DLG4: variants seen among roughly 807,000 people sequenced by gnomAD.
DLG4 encodes the protein disks large homolog 4.
Under a neutral mutation model 93.8 loss-of-function variants are expected in DLG4, and 7 were observed. The observed-to-expected ratio is 0.07, with a 90% CI of 0.04 to 0.14. The LOEUF (loss-of-function observed/expected upper bound fraction) is 0.14, where lower values mean the gene tolerates loss of function less well. Among genes scored for constraint, DLG4 ranks in the 10% least tolerant of loss-of-function variants. The pLI, the probability that DLG4 is intolerant of heterozygous loss-of-function variation, is 1.00. For missense variants in DLG4, 545 were observed against 992.9 expected, an observed-to-expected ratio of 0.55 and a Z score of 6.06; for synonymous variants, 341 against 387.6, an observed-to-expected ratio of 0.88 and a Z score of 1.41.
At chr17:7,219,618 T>C, upstream of DLG4, 2 of 1,208,566 alleles carry the variant, frequency 1.7e-6, no homozygotes, top group Non-Finnish European at 1.0e-6. Flanking sequence ...TACTTTTCCC[T>C]TCTAACCCCA....
chr17:7,209,914 T>C (rs2070641989), intron 1 of DLG4, among the ~76,000 whole-genome samples: 1 of 152,024 alleles, frequency 6.6e-6, no homozygotes, highest in African/African-American at 2.4e-5. Context: ...TGGTGGCACA[T>C]GGCTGTAATC....
chr17:7,213,660 T>C, intron 1 of DLG4: 2 of 433,624 alleles, frequency 4.6e-6, no homozygotes. Flanking sequence ...CAACTTAACC[T>C]GAAAGCCTCT....
chr17:7,194,108 A>G lies in DLG4; in HGVS notation c.1479-108T>C, dbSNP rs1356505579. 1 of 1,442,688 alleles carries G rather than the reference A, an allele frequency of 6.9e-7. No homozygotes were observed. The highest frequency in any genetic ancestry group is 9.4e-7 in the Non-Finnish European group (1 of 1,060,072). The allele number at this position is 1,442,688 out of a possible 1,614,324, so 89.4% of individuals were successfully genotyped here. On this transcript the variant is annotated intron_variant, in intron 12 of 19. Coordinates refer to ENST00000399506, the MANE Select transcript of DLG4 (RefSeq NM_001321075.3). This position sits in a 1 kb window ranked among gnomAD's most constrained non-coding sequence, Gnocchi z 4.4. ...TTCTCCATACTCTGGGCCAGCTGAC[A>G]CCCCTTCTCCTGCAGCCCTGGACAC...
intron 8 of DLG4, among the ~76,000 whole-genome samples, chr17:7,197,959 C>T (rs550944849): frequency 6.6e-6 from 1 of 152,264 alleles, no homozygotes; most frequent in African/African-American, 2.4e-5. Flanking sequence ...GGTAGCGCTA[C>T]GTTCTTCCTA....
At chr17:7,206,280 T>A in intron 2 of DLG4, among the ~76,000 whole-genome samples, 1 of 151,570 alleles carries the variant, frequency 6.6e-6, no homozygotes, top group Non-Finnish European at 1.5e-5. Flanking sequence ...CCCCAGAGAG[T>A]TTATCACCAT....
intron 8 of DLG4, 100 bp from the exon 9 acceptor site, chr17:7,197,152 G>A (rs2069836139): frequency 8.3e-7 from 1 of 1,210,266 alleles, no homozygotes; most frequent in Non-Finnish European, 1.1e-6. Flanking sequence ...TTAGGTGGAA[G>A]GGAAGATATT....
chr17:7,193,254 A>G lies in DLG4; in HGVS notation c.1694-137T>C. 1 of 1,333,180 alleles carries G rather than the reference A, an allele frequency of 7.5e-7. No homozygotes were observed. Among genetic ancestry groups the G allele is most frequent in the Admixed American group, 1.8e-5 (1 of 54,700 alleles). 82.6% of individuals were successfully genotyped at this position (1,333,180 alleles called of 1,614,324 possible). On this transcript the variant is annotated intron_variant, in intron 16 of 19. Coordinates refer to ENST00000399506, the MANE Select transcript of DLG4 (RefSeq NM_001321075.3). The surrounding 1 kb of genome is among the most constrained non-coding windows in gnomAD (Gnocchi z 6.7). ...GAGCTGCCAGGGAGACCAAGACTGCAGAGGGCCAGAACCGCTTCCCCTAGC... is the reference window on the plus strand; with the variant it reads ...GAGCTGCCAGGGAGACCAAGACTGCGGAGGGCCAGAACCGCTTCCCCTAGC...
In DLG4 at chr17:7,187,352, C is replaced by A. The variant is rs1290738274; in HGVS notation, c.*3356G>T. 7.0e-6 allele frequency among the ~76,000 whole-genome samples: 1 copy of A among 142,118 alleles called. No individual in the cohort carries two copies. Among genetic ancestry groups the A allele is most frequent in the East Asian group, 2.1e-4 (1 of 4,784 alleles). 93.2% of individuals were successfully genotyped at this position (142,118 alleles called of 152,430 possible). ...CCCGAGGTCAGGAGTTCGAGACCAG[C>A]CTGATCAATATGGTGAAATCCCCAT... On this transcript the variant is annotated 3_prime_UTR_variant, in exon 20 of 20. Transcript: ENST00000399506.
chr17:7,194,573 C>T lies in DLG4; in HGVS notation c.1302-78G>A, dbSNP rs2142832079. On this transcript the variant is annotated intron_variant, in intron 11 of 19. Transcript: ENST00000399506. This position sits in a 1 kb window ranked among gnomAD's most constrained non-coding sequence, Gnocchi z 4.4. ...TGCCCCAGTCACCCAAAGACCCGGC[C>T]CAGAGGTCTGCAGATGGCACTCCCA... is the stretch of plus-strand genomic sequence containing the variant. The T allele has an allele frequency of 6.7e-7, 1 of 1,485,826 alleles. No individual in the cohort carries two copies. 92.0% of individuals were successfully genotyped at this position (1,485,826 alleles called of 1,614,324 possible). A position where few individuals can be genotyped will look rare whatever the true frequency, so the allele number is the denominator to read the frequency against.
Position 7,208,002 on chromosome 17 carries a change from C to G in DLG4, c.96+172G>C. On this transcript the variant is annotated intron_variant, in intron 2 of 19. Transcript: ENST00000399506. The surrounding 1 kb of genome is among the most constrained non-coding windows in gnomAD (Gnocchi z 5.4). ...TCCCCACGGCTCTCTCTCACCCTAC[C>G]GGCCCTTAGGGATTGCTGCAGCTCC... is the stretch of plus-strand genomic sequence containing the variant. The G allele has an allele frequency of 8.6e-7, 1 of 1,164,198 alleles. No individual in the cohort carries two copies. The highest frequency in any genetic ancestry group is 1.1e-6 in the Non-Finnish European group (1 of 925,386). 72.1% of individuals were successfully genotyped at this position (1,164,198 alleles called of 1,614,324 possible). A position where few individuals can be genotyped will look rare whatever the true frequency, so the allele number is the denominator to read the frequency against.
At chr17:7,210,588 A>G (rs577665491) in intron 1 of DLG4, among the ~76,000 whole-genome samples, 1 of 152,298 alleles carries the variant, frequency 6.6e-6, no homozygotes, top group East Asian at 1.9e-4. Flanking sequence ...GTGGTCTTCT[A>G]CCTGGGCAGT....
In DLG4 at chr17:7,195,943, A is replaced by G. The variant is rs1290499924; in HGVS notation, c.1301+277T>C. On this transcript the variant is annotated intron_variant, in intron 11 of 19. Transcript: ENST00000399506. This position sits in a 1 kb window ranked among gnomAD's most constrained non-coding sequence, Gnocchi z 4.3. ...CAAGCATTAACCTTCGAGACGCCAA[A>G]TTGTGGGGTGGCCTGGGAGTCCCGG... Among the ~76,000 whole-genome samples, 1 of 152,170 alleles carries G rather than the reference A, an allele frequency of 6.6e-6. No homozygotes were observed. The highest frequency in any genetic ancestry group is 2.4e-5 in the African/African-American group (1 of 41,454).
Position 7,188,493 on chromosome 17 carries a change from G to T in DLG4, c.*2215C>A, listed in dbSNP as rs1181559779. ...AGAAAGGAATAGTACCCCAGCAGGTGCCCCCAAAGGTTCATCTGTGCCAAA... is the reference window on the plus strand; with the variant it reads ...AGAAAGGAATAGTACCCCAGCAGGTTCCCCCAAAGGTTCATCTGTGCCAAA... On this transcript the variant is annotated 3_prime_UTR_variant, in exon 20 of 20. Transcript: ENST00000399506. 6.6e-6 allele frequency among the ~76,000 whole-genome samples: 1 copy of T among 152,086 alleles called. No individual in the cohort carries two copies. Among genetic ancestry groups the T allele is most frequent in the Non-Finnish European group, 1.5e-5 (1 of 68,022 alleles).
At chr17:7,219,229 G>C, upstream of DLG4, 1 of 336,272 alleles carries the variant, frequency 3.0e-6, no homozygotes, top group Non-Finnish European at 4.9e-6. Context: ...GAGAAGTTGG[G>C]GTTTTACGGG....
At chr17:7,209,031 G>A (rs1298635553) in intron 1 of DLG4, among the ~76,000 whole-genome samples, 4 of 152,182 alleles carry the variant, frequency 2.6e-5, no homozygotes, top group African/African-American at 9.6e-5. Flanking sequence ...GCTGGGGGAG[G>A]AAGGGGAAGA....
intron 19 of DLG4, 149 bp from the exon 20 acceptor site, chr17:7,190,963 CTT>C (rs35868661): frequency 0.044 from 14,888 of 341,812 alleles, no homozygotes; most frequent in East Asian, 0.057. Context: ...AGGGGCACCT[CTT>C]TTTTTTTTTT....
chr17:7,213,996 T>C (rs73976746), intron 1 of DLG4: 10,203 of 389,470 alleles, frequency 0.026, 948 homozygotes, highest in African/African-American at 0.19. Context: ...GTGGGCGCCA[T>C]GGCCCATAAA....
intron 8 of DLG4, among the ~76,000 whole-genome samples, chr17:7,197,259 T>C (rs1010958283): frequency 4.6e-5 from 7 of 151,984 alleles, no homozygotes; most frequent in Non-Finnish European, 8.8e-5. Context: ...CTGGTTGTCC[T>C]AGGGGATAAA....
chr17:7,219,877 C>G (rs1247253915), upstream of DLG4: 7 of 1,541,058 alleles, frequency 4.5e-6, no homozygotes, highest in Middle Eastern at 3.3e-4. Context: ...GTCCGCCGCC[C>G]GGTGCACTGT....
Sources: allele counts gnomAD v4.1 joint callset (sites outside exome capture counted in the v4.1 genomes callset), GRCh38; gene constraint gnomAD v4.1.1; non-coding constraint Gnocchi (gnomAD v3.1); transcripts MANE v1.5; gene names NCBI Gene and HGNC (gene_info 2026-07-23, HGNC 2026-07-21).